The following PMPCB variants were observed in gnomAD, a reference collection of about 807,000 sequenced individuals.
PMPCB encodes peptidase, mitochondrial processing subunit beta.
Under a neutral mutation model 61.5 loss-of-function variants are expected in PMPCB, and 46 were observed. The observed-to-expected ratio is 0.75, with a 90% CI of 0.59 to 0.96. The LOEUF (loss-of-function observed/expected upper bound fraction) is 0.96, where lower values mean the gene tolerates loss of function less well. PMPCB is among the 40% of genes least tolerant of loss of function. PMPCB has a pLI of 0.00. For missense variants in PMPCB, 590 were observed against 602.4 expected (o/e 0.98, Z 0.22); for synonymous variants, 191 against 201.6 (o/e 0.95, Z 0.44).
chr7:103,337,610 C>T, the PMPCB span: 2 of 755,162 alleles, frequency 2.6e-6, no homozygotes, highest in Non-Finnish European at 4.3e-6. Flanking sequence ...CTTGTTATGA[C>T]AATATAACAC....
Position 103,309,033 on chromosome 7 carries a change from A to G in PMPCB, c.931A>G (p.Ile311Val), listed in dbSNP as rs145931070. Reference sequence around the variant, plus strand: ...TGTTGGTTGGGCACATCCAGATACAATCTGTCTCATGGTTGCAAACACGCT... The same window carrying G: ...TGTTGGTTGGGCACATCCAGATACAGTCTGTCTCATGGTTGCAAACACGCT... ...EAVGWAHPDTICLMVANTLIG... is the reference protein window; with the variant it reads ...EAVGWAHPDTVCLMVANTLIG... Residue 311 changes from isoleucine to valine, a missense_variant, in exon 8 of 13, where the codon ATC becomes GTC. Ile to Val is a conservative substitution (Grantham distance 29). Coordinates refer to ENST00000249269, the MANE Select transcript of PMPCB (RefSeq NM_004279.3). 1.8e-4 allele frequency: 282 copies of G among 1,609,184 alleles called. No individual in the cohort carries two copies. The South Asian group carries it at 2.8e-3, about 16-fold the overall frequency.
chr7:103,300,754 G>A (rs943818598), intron 4 of PMPCB, among the ~76,000 whole-genome samples: 2 of 151,722 alleles, frequency 1.3e-5, no homozygotes, highest in East Asian at 3.9e-4. Context: ...GTGTGATCTC[G>A]GCTCGCTGCA....
At chr7:103,335,534 CTTTCT>C in the PMPCB span, 1 of 150,098 alleles carries the variant, frequency 6.7e-6, no homozygotes, top group African/African-American at 2.4e-5. Context: ...TTCTTTCTTT[CTTTCT>C]TTTTTTTTTT....
In PMPCB at chr7:103,310,388, C is replaced by G. The variant is rs774238343; in HGVS notation, c.1067C>G (p.Ser356Cys). ...CATAGCTTTCAGTCTTTCAACACTT[C>G]CTACACAGATACAGGATTATGGGGA... The part of the protein sequence containing the change: ...LCHSFQSFNT[S>C]YTDTGLWGLY... The change falls in exon 9 of 13, where the codon TCC becomes TGC. Residue 356 changes from serine to cysteine, a missense_variant. Physicochemically the swap from Ser to Cys is moderately radical, Grantham distance 112. Transcript: ENST00000249269. The G allele has an allele frequency of 1.2e-6, 2 of 1,613,034 alleles. No individual in the cohort carries two copies. Among genetic ancestry groups the G allele is most frequent in the Non-Finnish European group, 1.7e-6 (2 of 1,179,078 alleles).
At chr7:103,345,733 G>A in the PMPCB span, among the ~76,000 whole-genome samples, 2 of 151,712 alleles carry the variant, frequency 1.3e-5, no homozygotes, top group African/African-American at 4.8e-5. Flanking sequence ...TGGGATTAGA[G>A]GCGTGAGTCA....
the PMPCB span, among the ~76,000 whole-genome samples, chr7:103,338,130 T>C: frequency 6.6e-6 from 1 of 151,968 alleles, no homozygotes. Context: ...ATTAGCTGGG[T>C]GTGGTGGTGT....
rs372907875 is a variant in PMPCB, at chr7:103,313,101, C to A, written c.*830C>A. On this transcript the variant is annotated 3_prime_UTR_variant, in exon 13 of 13. Transcript: ENST00000249269. ...CCAAGGGGTGAAGTCTGTATATGGA[C>A]CTGATTAAGAAAAATTTTTATTTGA... 64 of 1,597,200 alleles carry A rather than the reference C, an allele frequency of 4.0e-5. No individual in the cohort carries two copies. Among genetic ancestry groups the A allele is most frequent in the East Asian group, 2.2e-4 (10 of 44,742 alleles).
chr7:103,316,744 G>T, downstream of PMPCB: 1 of 1,127,388 alleles, frequency 8.9e-7, no homozygotes, highest in Non-Finnish European at 1.3e-6. Flanking sequence ...AAGTTTCTGT[G>T]ATAACAAGTG....
intron 5 of PMPCB, 41 bp downstream of exon 5, chr7:103,304,081 GA>G (rs1563446447): frequency 7.3e-7 from 1 of 1,368,240 alleles, no homozygotes; most frequent in Non-Finnish European, 1.0e-6. Flanking sequence ...GGGAATTTAT[GA>G]ATGTTGAAAA....
intron 4 of PMPCB, among the ~76,000 whole-genome samples, chr7:103,301,788 C>CT (rs968387702): frequency 2.4e-4 from 37 of 151,320 alleles, no homozygotes; most frequent in South Asian, 4.2e-4. Context: ...ATCACTTATT[C>CT]TTTTTTTTTA....
chr7:103,328,960 T>C, exon 13 of PMPCB: 1 of 1,257,368 alleles, frequency 8.0e-7, no homozygotes, highest in Middle Eastern at 2.2e-4. Flanking sequence ...ACTTCATGAA[T>C]GGAAATGGAA....
At chr7:103,320,590 C>T (rs1337951263) in intron 12 of PMPCB, among the ~76,000 whole-genome samples, 1 of 151,228 alleles carries the variant, frequency 6.6e-6, no homozygotes, top group African/African-American at 2.4e-5. Context: ...GAAACCCCGT[C>T]TCTACTAAAA....
chr7:103,339,459 G>A, the PMPCB span, among the ~76,000 whole-genome samples: 1 of 152,080 alleles, frequency 6.6e-6, no homozygotes, highest in Non-Finnish European at 1.5e-5. Flanking sequence ...TTACTACCCA[G>A]CTTTGAAAGA....
chr7:103,329,029 C>A, exon 13 of PMPCB: 1 of 1,254,680 alleles, frequency 8.0e-7, no homozygotes. Flanking sequence ...CCTTTTACCA[C>A]AGCCTCAGCC....
At chr7:103,322,795 CTA>C (rs774540822) in intron 12 of PMPCB, 1 of 1,600,842 alleles carries the variant, frequency 6.2e-7, no homozygotes, top group Non-Finnish European at 8.5e-7. Flanking sequence ...CTCATCACGA[CTA>C]TAAAATAGAA....
At chr7:103,333,263 GA>G (rs1228332979), downstream of PMPCB, among the ~76,000 whole-genome samples, 1 of 152,094 alleles carries the variant, frequency 6.6e-6, no homozygotes, top group African/African-American at 2.4e-5. Flanking sequence ...CCTCTGAATT[GA>G]ATTTCCACCT....
At chr7:103,328,173 C>T (rs1404135788) in intron 12 of PMPCB, among the ~76,000 whole-genome samples, 2 of 151,598 alleles carry the variant, frequency 1.3e-5, no homozygotes, top group Admixed American at 6.6e-5. Context: ...CCACCCGCCT[C>T]GGCCTCCGAA....
downstream of PMPCB, chr7:103,329,548 T>G (rs186589015): frequency 2.0e-5 from 3 of 152,368 alleles, no homozygotes; most frequent in Admixed American, 1.3e-4. Flanking sequence ...CTAGTTTCAT[T>G]AACATTTCCT....
At chr7:103,323,481 T>C (rs1818532339) in intron 12 of PMPCB, 1 of 1,098,308 alleles carries the variant, frequency 9.1e-7, no homozygotes, top group African/African-American at 1.6e-5. Flanking sequence ...AAAAATTGTT[T>C]AAAAAAGATG....
Sources: allele counts gnomAD v4.1 joint callset (sites outside exome capture counted in the v4.1 genomes callset), GRCh38; gene constraint gnomAD v4.1.1; transcripts MANE v1.5; gene names NCBI Gene and HGNC (gene_info 2026-07-23, HGNC 2026-07-21).